Variants in SPAG16 observed in about 807,000 individuals in gnomAD.
The protein encoded by SPAG16 is sperm-associated antigen 16 protein.
In SPAG16, 86 loss-of-function variants were observed where a neutral mutation model predicts 80.4. The observed-to-expected ratio is 1.07, with a 90% confidence interval of 0.90 to 1.28. SPAG16 has a LOEUF of 1.28. Ranked by LOEUF, SPAG16 falls within the 50% of genes most tolerant of loss-of-function variation. The pLI, the probability that SPAG16 is intolerant of heterozygous loss-of-function variation, is 0.00. For missense variants in SPAG16, 870 were observed against 765.3 expected (o/e 1.14, Z -1.61); for synonymous variants, 294 against 265.9 (o/e 1.11, Z -1.03).
At chr2:214,190,643 T>C (rs545182932) in intron 15 of SPAG16, among the ~76,000 whole-genome samples, 34 of 152,104 alleles carry the variant, frequency 2.2e-4, no homozygotes, top group Non-Finnish European at 3.8e-4. Flanking sequence ...CCAAATGTGA[T>C]GGTTTTCAGA....
chr2:214,268,354 G>A (rs1426761675), intron 15 of SPAG16, among the ~76,000 whole-genome samples: 1 of 151,856 alleles, frequency 6.6e-6, no homozygotes, highest in Non-Finnish European at 1.5e-5. Context: ...GCACTCCCAT[G>A]TTGATTGTAG....
At chr2:214,212,542 T>G (rs2058322520) in intron 15 of SPAG16, among the ~76,000 whole-genome samples, 1 of 152,068 alleles carries the variant, frequency 6.6e-6, no homozygotes, top group Non-Finnish European at 1.5e-5. Context: ...CCACCGTGAT[T>G]GTGCCCTGTA....
At chr2:214,053,001 G>C (rs1250156475) in intron 13 of SPAG16, among the ~76,000 whole-genome samples, 1 of 152,110 alleles carries the variant, frequency 6.6e-6, no homozygotes, top group Non-Finnish European at 1.5e-5. Flanking sequence ...TAATGTTTTT[G>C]ATCTGTTTGA....
intron 10 of SPAG16, chr2:213,758,137 G>T (rs561943493): frequency 3.3e-5 from 5 of 151,416 alleles, no homozygotes; most frequent in African/African-American, 1.2e-4. Context: ...GCTTAGAAAA[G>T]ACAGTCTTTA....
At chr2:213,885,454 C>T (rs2076517667) in intron 11 of SPAG16, among the ~76,000 whole-genome samples, 1 of 152,094 alleles carries the variant, frequency 6.6e-6, no homozygotes, top group African/African-American at 2.4e-5. Flanking sequence ...GATTTTGTTT[C>T]CTTAAACTTT....
At chr2:214,306,510 G>T (rs1576735665) in intron 15 of SPAG16, among the ~76,000 whole-genome samples, 2 of 152,200 alleles carry the variant, frequency 1.3e-5, no homozygotes, top group African/African-American at 2.4e-5. Flanking sequence ...TTGGCTGTGG[G>T]TGTGTAATAG....
intron 13 of SPAG16, among the ~76,000 whole-genome samples, chr2:214,104,916 A>G (rs1251964767): frequency 6.6e-6 from 1 of 152,108 alleles, no homozygotes; most frequent in African/African-American, 2.4e-5. Flanking sequence ...AGGGGAAGGA[A>G]AGCATTACTG....
At chr2:214,176,490 T>C (rs571781565) in intron 15 of SPAG16, among the ~76,000 whole-genome samples, 1 of 151,442 alleles carries the variant, frequency 6.6e-6, no homozygotes, top group Admixed American at 6.6e-5. Context: ...CTAAGCGGTC[T>C]TTCAAAGATT....
At chr2:213,412,440 G>T (rs965166471) in intron 9 of SPAG16, among the ~76,000 whole-genome samples, 1 of 151,920 alleles carries the variant, frequency 6.6e-6, no homozygotes, top group African/African-American at 2.4e-5. Flanking sequence ...GAATTGAAAA[G>T]AAAATTAAAA....
intron 9 of SPAG16, chr2:213,422,184 C>G: frequency 1.4e-6 from 1 of 701,008 alleles, no homozygotes. Context: ...GAGCCCAGAC[C>G]TAGAAGCTCC....
chr2:213,563,301 C>T (rs1340968517), intron 10 of SPAG16, among the ~76,000 whole-genome samples: 1 of 152,010 alleles, frequency 6.6e-6, no homozygotes, highest in Non-Finnish European at 1.5e-5. Context: ...TCTGAGAAAG[C>T]CAATTATAAT....
At chr2:213,556,503 A>G (rs1379001623) in intron 10 of SPAG16, among the ~76,000 whole-genome samples, 1 of 152,132 alleles carries the variant, frequency 6.6e-6, no homozygotes, top group Non-Finnish European at 1.5e-5. Context: ...AAAGAGAAAA[A>G]GAATATCATT....
chr2:214,197,971 G>GA (rs1393704883), intron 15 of SPAG16, among the ~76,000 whole-genome samples: 1 of 151,968 alleles, frequency 6.6e-6, no homozygotes, highest in African/African-American at 2.4e-5. Flanking sequence ...GCCATTGGGT[G>GA]AAAATGGCCC....
chr2:213,390,281 TG>T (rs1410330169), intron 9 of SPAG16, among the ~76,000 whole-genome samples: 1 of 152,178 alleles, frequency 6.6e-6, no homozygotes, highest in African/African-American at 2.4e-5. Flanking sequence ...AGTTTTACAA[TG>T]AAAAGAATTC....
intron 11 of SPAG16, among the ~76,000 whole-genome samples, chr2:213,880,367 T>A (rs1331746794): frequency 6.6e-6 from 1 of 152,250 alleles, no homozygotes; most frequent in Non-Finnish European, 1.5e-5. Context: ...TTGTAGATTC[T>A]GTATATTAAA....
chr2:214,175,605 A>G (rs1055057881), intron 15 of SPAG16, among the ~76,000 whole-genome samples: 2 of 151,412 alleles, frequency 1.3e-5, no homozygotes, highest in Non-Finnish European at 3.0e-5. Context: ...GACACCTCAA[A>G]GCCAAAACAA....
At chr2:213,464,207 T>A (rs1311027730) in intron 9 of SPAG16, among the ~76,000 whole-genome samples, 2 of 152,226 alleles carry the variant, frequency 1.3e-5, no homozygotes, top group Non-Finnish European at 2.9e-5. Flanking sequence ...TGTCCTTACG[T>A]CATTTCAAAG....
At chr2:213,956,781 A>C (rs770623433) in intron 12 of SPAG16, among the ~76,000 whole-genome samples, 2 of 151,966 alleles carry the variant, frequency 1.3e-5, no homozygotes, top group Non-Finnish European at 2.9e-5. Context: ...GCATGTATAT[A>C]ATTTTTCCCC....
intron 10 of SPAG16, among the ~76,000 whole-genome samples, chr2:213,677,799 A>G (rs2064164296): frequency 6.6e-6 from 1 of 152,164 alleles, no homozygotes; most frequent in Non-Finnish European, 1.5e-5. Context: ...CTCCACCCCA[A>G]ATCAACAGAA....
Sources: allele counts gnomAD v4.1 joint callset (sites outside exome capture counted in the v4.1 genomes callset), GRCh38; gene constraint gnomAD v4.1.1; transcripts MANE v1.5; gene names NCBI Gene and HGNC (gene_info 2026-07-23, HGNC 2026-07-21).